Variants in GLI3 observed in about 807,000 individuals in gnomAD.
GLI3 encodes transcription activator GLI3.
GLI3 carries 20 observed loss-of-function variants against 100.8 expected under a neutral mutation model. The observed-to-expected ratio is 0.20, with a 90% CI of 0.14 to 0.29. GLI3 has a LOEUF of 0.29. GLI3 is among the 10% of genes least tolerant of loss of function. GLI3 has a pLI of 1.00. For missense variants in GLI3, 2,040 were observed against 2,128.5 expected, an observed-to-expected ratio of 0.96 and a Z score of 0.82; for synonymous variants, 938 against 860.5, an observed-to-expected ratio of 1.09 and a Z score of -1.58.
intron 7 of GLI3, among the ~76,000 whole-genome samples, chr7:42,039,342 C>T (rs1462205093): frequency 6.6e-6 from 1 of 152,112 alleles, no homozygotes; most frequent in Non-Finnish European, 1.5e-5. Flanking sequence ...GTGCTTGTAC[C>T]TTCACATGCA....
At chr7:42,230,193 T>C (rs1331903766) in intron 1 of GLI3, among the ~76,000 whole-genome samples, 2 of 151,926 alleles carry the variant, frequency 1.3e-5, no homozygotes, top group East Asian at 3.9e-4. Context: ...ATTTTACCTG[T>C]ATATATGATT....
At chr7:42,158,734 AC>A (rs1183313347) in intron 2 of GLI3, among the ~76,000 whole-genome samples, 1 of 151,798 alleles carries the variant, frequency 6.6e-6, no homozygotes, top group Non-Finnish European at 1.5e-5. Flanking sequence ...CAGGTGATCC[AC>A]CCGCCTCGGC....
chr7:42,114,612 C>T (rs1785801874), intron 3 of GLI3, among the ~76,000 whole-genome samples: 1 of 152,162 alleles, frequency 6.6e-6, no homozygotes, highest in Admixed American at 6.5e-5. Flanking sequence ...TCAACTGGCT[C>T]CTTGCCAGTA....
chr7:42,068,805 T>C (rs144644293), intron 4 of GLI3, among the ~76,000 whole-genome samples: 34 of 152,192 alleles, frequency 2.2e-4, no homozygotes, highest in African/African-American at 7.7e-4. Flanking sequence ...GACGGCCACA[T>C]AGGAAAGGCT....
At chr7:42,165,347 A>G (rs1787220504) in intron 2 of GLI3, among the ~76,000 whole-genome samples, 1 of 152,180 alleles carries the variant, frequency 6.6e-6, no homozygotes, top group Admixed American at 6.5e-5. Context: ...TCCAATGTGA[A>G]CTATCTTTCT....
At chr7:42,106,379 T>A (rs949834530) in intron 3 of GLI3, among the ~76,000 whole-genome samples, 1 of 152,338 alleles carries the variant, frequency 6.6e-6, no homozygotes, top group East Asian at 1.9e-4. Flanking sequence ...AAATCTAGGC[T>A]GCAAGGTGCT....
intron 1 of GLI3, among the ~76,000 whole-genome samples, chr7:42,232,190 A>G (rs1188854521): frequency 2.0e-5 from 3 of 152,080 alleles, no homozygotes; most frequent in Non-Finnish European, 4.4e-5. Flanking sequence ...AGTCAATCCA[A>G]TTTACTGCAG....
intron 3 of GLI3, among the ~76,000 whole-genome samples, chr7:42,121,213 C>T (rs1203038921): frequency 6.6e-6 from 1 of 152,200 alleles, no homozygotes; most frequent in Non-Finnish European, 1.5e-5. Context: ...ACACAATGGT[C>T]TCAAACTTTC....
chr7:42,132,232 C>T (rs1786298718), intron 3 of GLI3, among the ~76,000 whole-genome samples: 1 of 151,876 alleles, frequency 6.6e-6, no homozygotes, highest in Admixed American at 6.6e-5. Context: ...TCCCGAGTAG[C>T]TGGGACTACA....
rs904313822 is a variant in GLI3, at chr7:42,129,448, T to C, written c.367+18778A>G. Among the ~76,000 whole-genome samples the C allele has an allele frequency of 7.2e-5, 11 of 152,306 alleles. No homozygotes were observed. The East Asian group carries it at 2.1e-3, about 29-fold the overall frequency. On this transcript the variant is annotated intron_variant, in intron 3 of 14. Transcript: ENST00000395925. Reference sequence around the variant, plus strand: ...TGGAATTATAGGTGGACATGGTGCGTAGAGAAGCAGCAGCCTGAAATATTC... The same window carrying C: ...TGGAATTATAGGTGGACATGGTGCGCAGAGAAGCAGCAGCCTGAAATATTC...
At chr7:42,237,571 TCCTC>T (rs1788839257), upstream of GLI3, among the ~76,000 whole-genome samples, 1 of 150,192 alleles carries the variant, frequency 6.7e-6, no homozygotes, top group Non-Finnish European at 1.5e-5. Flanking sequence ...CTCCTCCTCT[TCCTC>T]CTCCTCCCCG....
At chr7:41,967,034 C>T (rs1160247591) in intron 14 of GLI3, among the ~76,000 whole-genome samples, 1 of 152,340 alleles carries the variant, frequency 6.6e-6, no homozygotes, top group East Asian at 1.9e-4. Context: ...CCAGGCAAGT[C>T]CCCAGGCAAA....
intron 2 of GLI3, among the ~76,000 whole-genome samples, chr7:42,198,931 T>TC (rs1787984146): frequency 7.0e-6 from 1 of 142,808 alleles, no homozygotes; most frequent in Non-Finnish European, 1.6e-5. Flanking sequence ...AAAAGTTTCT[T>TC]TTTTTTTTTT....
intron 10 of GLI3, among the ~76,000 whole-genome samples, chr7:41,987,323 C>A (rs1787858851): frequency 6.6e-6 from 1 of 151,976 alleles, no homozygotes; most frequent in Admixed American, 6.5e-5. Context: ...CATGCGCCAC[C>A]ACTCCCAGCT....
upstream of GLI3, among the ~76,000 whole-genome samples, chr7:42,238,463 G>A (rs370379863): frequency 6.6e-6 from 1 of 152,102 alleles, no homozygotes; most frequent in Non-Finnish European, 1.5e-5. Flanking sequence ...TCTCTCCACC[G>A]GACTCGTCTG....
chr7:42,036,597 C>A (rs562903996), intron 7 of GLI3, among the ~76,000 whole-genome samples: 1 of 152,286 alleles, frequency 6.6e-6, no homozygotes, highest in South Asian at 2.1e-4. Context: ...GTGAAGGAGA[C>A]AGCTATGGCA....
intron 3 of GLI3, among the ~76,000 whole-genome samples, chr7:42,143,957 G>A (rs972287762): frequency 6.6e-6 from 1 of 152,178 alleles, no homozygotes; most frequent in African/African-American, 2.4e-5. Flanking sequence ...AATATGACAT[G>A]ACTAGTGAAT....
chr7:41,997,793 G>A (rs1788168280), intron 10 of GLI3, among the ~76,000 whole-genome samples: 1 of 152,168 alleles, frequency 6.6e-6, no homozygotes, highest in Non-Finnish European at 1.5e-5. Flanking sequence ...CAGGTGCTCA[G>A]GAACTGGTGC....
At chr7:42,139,931 GACTCTTGCAGGAGAGAAACA>G in intron 3 of GLI3, among the ~76,000 whole-genome samples, 1 of 152,176 alleles carries the variant, frequency 6.6e-6, no homozygotes, top group Non-Finnish European at 1.5e-5. Flanking sequence ...AATCACCCCA[GACTCTTGCAGGAGAGAAACA>G]AACAGCTCCT....
Sources: allele counts gnomAD v4.1 joint callset (sites outside exome capture counted in the v4.1 genomes callset), GRCh38; gene constraint gnomAD v4.1.1; transcripts MANE v1.5; gene names NCBI Gene and HGNC (gene_info 2026-07-23, HGNC 2026-07-21).